The following LGR5 variants were observed in gnomAD, a reference collection of about 807,000 sequenced individuals.
LGR5 encodes the protein leucine-rich repeat-containing G protein-coupled receptor 5.
A neutral mutation model predicts 76.7 loss-of-function variants in LGR5; 54 were observed. The ratio of observed to expected loss-of-function variants is 0.70; its 90% confidence interval spans 0.57 to 0.88. The LOEUF (loss-of-function observed/expected upper bound fraction) is 0.88, where lower values mean the gene tolerates loss of function less well. Among genes scored for constraint, LGR5 ranks in the 40% least tolerant of loss-of-function variants. LGR5 has a pLI of 0.00. For missense variants in LGR5, 1,078 were observed against 1,073.3 expected (o/e 1.00, Z -0.06); for synonymous variants, 406 against 421.9 (o/e 0.96, Z 0.46).
At chr12:71,538,747 A>G (rs1276740417) in intron 4 of LGR5, among the ~76,000 whole-genome samples, 1 of 151,974 alleles carries the variant, frequency 6.6e-6, no homozygotes, top group East Asian at 1.9e-4. Context: ...AGTCCCACCT[A>G]TGCTGGAGGC....
At chr12:71,546,960 C>A (rs1404854744) in intron 4 of LGR5, among the ~76,000 whole-genome samples, 1 of 152,146 alleles carries the variant, frequency 6.6e-6, no homozygotes, top group African/African-American at 2.4e-5. Context: ...GTGGGAGAGG[C>A]AACCACTGGG....
intron 1 of LGR5, among the ~76,000 whole-genome samples, chr12:71,470,339 A>G (rs892979883): frequency 1.3e-5 from 2 of 152,212 alleles, no homozygotes; most frequent in Non-Finnish European, 2.9e-5. Flanking sequence ...GCAGCTAACT[A>G]GGAATATAAC....
At chr12:71,479,448 T>A (rs1052020120) in intron 1 of LGR5, among the ~76,000 whole-genome samples, 5 of 152,216 alleles carry the variant, frequency 3.3e-5, no homozygotes, top group Non-Finnish European at 7.3e-5. Flanking sequence ...CAAATGCTGT[T>A]AAAAGCTGGC....
intron 5 of LGR5, among the ~76,000 whole-genome samples, chr12:71,554,777 G>GT (rs770516859): frequency 1.3e-5 from 2 of 152,134 alleles, no homozygotes; most frequent in African/African-American, 2.4e-5. Context: ...CATTTGCACA[G>GT]TTTTTTCCCA....
chr12:71,511,125 T>C (rs1875133896), intron 2 of LGR5, among the ~76,000 whole-genome samples: 1 of 152,186 alleles, frequency 6.6e-6, no homozygotes, highest in Admixed American at 6.5e-5. Flanking sequence ...GCAAAATAGA[T>C]TGGGGAATTA....
chr12:71,524,553 A>G, intron 3 of LGR5, 76 bp downstream of exon 3: 1 of 1,000,020 alleles, frequency 1.0e-6, no homozygotes, highest in Non-Finnish European at 1.6e-6. Context: ...GTAAAAGCTG[A>G]GTGTCTCTAA....
chr12:71,575,066 C>G (rs983694148), intron 13 of LGR5, among the ~76,000 whole-genome samples: 1 of 152,100 alleles, frequency 6.6e-6, no homozygotes, highest in Non-Finnish European at 1.5e-5. Flanking sequence ...AGTGTGCCTG[C>G]GTTTGAATTG....
At chr12:71,450,397 G>C (rs1378191311) in intron 1 of LGR5, among the ~76,000 whole-genome samples, 1 of 152,170 alleles carries the variant, frequency 6.6e-6, no homozygotes. Context: ...GAGCAAAAAG[G>C]AACACTCAGA....
chr12:71,527,025 C>T (rs1311510604), intron 3 of LGR5, among the ~76,000 whole-genome samples: 6 of 151,860 alleles, frequency 4.0e-5, no homozygotes, highest in Non-Finnish European at 1.5e-5. Context: ...TGCAGGGATC[C>T]CATATGTTAA....
intron 8 of LGR5, among the ~76,000 whole-genome samples, chr12:71,565,915 T>C (rs180775541): frequency 1.1e-3 from 172 of 152,266 alleles, no homozygotes; most frequent in Middle Eastern, 0.01. Flanking sequence ...ATTTTAGACA[T>C]ATGCCAGAAT....
chr12:71,530,212 A>G (rs1876233980), intron 3 of LGR5, among the ~76,000 whole-genome samples: 1 of 152,164 alleles, frequency 6.6e-6, no homozygotes, highest in African/African-American at 2.4e-5. Flanking sequence ...GCATTACAAA[A>G]TATTTGTTAT....
chr12:71,469,523 C>T (rs540369012), intron 1 of LGR5, among the ~76,000 whole-genome samples: 1 of 152,350 alleles, frequency 6.6e-6, no homozygotes, highest in East Asian at 1.9e-4. Context: ...CTTGTTTGCC[C>T]ATTTCCCTGG....
chr12:71,483,817 C>T (rs1478271452), intron 1 of LGR5, among the ~76,000 whole-genome samples: 1 of 151,990 alleles, frequency 6.6e-6, no homozygotes, highest in Non-Finnish European at 1.5e-5. Context: ...GCATAAATAA[C>T]ATCAGTTATG....
At chr12:71,499,054 T>C (rs1360502905) in intron 1 of LGR5, among the ~76,000 whole-genome samples, 1 of 152,228 alleles carries the variant, frequency 6.6e-6, no homozygotes, top group Non-Finnish European at 1.5e-5. Flanking sequence ...ATGAGGTTTT[T>C]TTTATTTTCT....
chr12:71,501,196 A>G (rs1206871021), intron 1 of LGR5, among the ~76,000 whole-genome samples: 1 of 152,226 alleles, frequency 6.6e-6, no homozygotes, highest in East Asian at 1.9e-4. Context: ...ACCAGGTGTC[A>G]AAAAGACCAA....
intron 1 of LGR5, among the ~76,000 whole-genome samples, chr12:71,495,072 C>T (rs1383267326): frequency 2.8e-5 from 4 of 144,692 alleles, no homozygotes; most frequent in East Asian, 3.9e-4. Context: ...GGATTTGGGG[C>T]GTAGTCGGGG....
chr12:71,562,195 C>T (rs190177413), intron 8 of LGR5, among the ~76,000 whole-genome samples: 16 of 152,102 alleles, frequency 1.1e-4, no homozygotes, highest in Admixed American at 9.2e-4. Flanking sequence ...AACTTAAACC[C>T]GAGTATACTA....
At chr12:71,463,561 C>T (rs1872753293) in intron 1 of LGR5, among the ~76,000 whole-genome samples, 1 of 152,130 alleles carries the variant, frequency 6.6e-6, no homozygotes, top group Non-Finnish European at 1.5e-5. Flanking sequence ...CAGTACAGCA[C>T]CTAGCAGATA....
At chr12:71,557,455 A>G (rs1812479741) in intron 6 of LGR5, among the ~76,000 whole-genome samples, 1 of 152,218 alleles carries the variant, frequency 6.6e-6, no homozygotes, top group South Asian at 2.1e-4. Flanking sequence ...TAAAGTTATT[A>G]CATATCTAGT....
Sources: allele counts gnomAD v4.1 joint callset (sites outside exome capture counted in the v4.1 genomes callset), GRCh38; gene constraint gnomAD v4.1.1; transcripts MANE v1.5; gene names NCBI Gene and HGNC (gene_info 2026-07-23, HGNC 2026-07-21).